The following NBAS variants were observed in gnomAD, a reference collection of about 807,000 sequenced individuals.
NBAS encodes NBAS subunit of NRZ tethering complex.
NBAS carries 219 observed loss-of-function variants against 302.5 expected under a neutral mutation model. The observed-to-expected ratio is 0.72, with a 90% CI of 0.65 to 0.81. The LOEUF is 0.81. Among genes scored for constraint, NBAS ranks in the 30% least tolerant of loss-of-function variants. NBAS has a pLI of 0.00. For missense variants in NBAS, 2,932 were observed against 2,841.6 expected (o/e 1.03, Z -0.72); for synonymous variants, 1,118 against 1,021.6 (o/e 1.09, Z -1.80).
chr2:15,150,478 G>A, the NBAS span, among the ~76,000 whole-genome samples: 1 of 152,130 alleles, frequency 6.6e-6, no homozygotes, highest in East Asian at 1.9e-4. Context: ...ACAATGTTGT[G>A]CACCTGAGCT....
chr2:14,874,094 T>C, the NBAS span, among the ~76,000 whole-genome samples: 3 of 152,006 alleles, frequency 2.0e-5, no homozygotes, highest in South Asian at 2.1e-4. Flanking sequence ...ACTACTAATA[T>C]AGAGAATGAG....
rs541190426 is a variant in NBAS at position 15,257,981 on chromosome 2, C to G, written c.5724+17503G>C. 7.4e-4 allele frequency among the ~76,000 whole-genome samples: 113 copies of G among 152,220 alleles called. 3 individuals carry two copies. The South Asian group carries it at 0.023, about 31-fold the overall frequency. Reference sequence around the variant, plus strand: ...TTAAAAACAATATTTAAATCTCTACCTCATTAAGATGTGCATTTTGAATAT... The same window carrying G: ...TTAAAAACAATATTTAAATCTCTACGTCATTAAGATGTGCATTTTGAATAT... On this transcript the variant is annotated intron_variant, in intron 44 of 51. Transcript: ENST00000281513.
At chr2:15,555,512 A>C (rs1194527612) in intron 3 of NBAS, among the ~76,000 whole-genome samples, 1 of 152,138 alleles carries the variant, frequency 6.6e-6, no homozygotes, top group African/African-American at 2.4e-5. Context: ...ATTGTCAATA[A>C]TTCTCAGTAT....
chr2:14,787,913 G>A, the NBAS span, among the ~76,000 whole-genome samples: 2 of 152,200 alleles, frequency 1.3e-5, no homozygotes, highest in African/African-American at 4.8e-5. Context: ...ATCCTGCAGA[G>A]TGTTTTCCAA....
intron 38 of NBAS, among the ~76,000 whole-genome samples, chr2:15,319,864 A>C (rs58378069): frequency 0.051 from 7,828 of 152,214 alleles, 287 homozygotes; most frequent in African/African-American, 0.1. Flanking sequence ...AATCAATAGA[A>C]AAAGAGGGAA....
the NBAS span, among the ~76,000 whole-genome samples, chr2:14,808,300 A>G: frequency 6.6e-6 from 1 of 152,192 alleles, no homozygotes; most frequent in South Asian, 2.1e-4. Flanking sequence ...TATATCCACT[A>G]CATCATGTGG....
chr2:15,000,515 GT>G, the NBAS span, among the ~76,000 whole-genome samples: 2 of 152,142 alleles, frequency 1.3e-5, no homozygotes, highest in African/African-American at 4.8e-5. Context: ...CGAGAGTCTA[GT>G]CATAGATGAT....
the NBAS span, among the ~76,000 whole-genome samples, chr2:14,788,534 C>G: frequency 2.0e-5 from 3 of 152,166 alleles, no homozygotes; most frequent in Admixed American, 6.6e-5. Flanking sequence ...AGTTTTCCTT[C>G]TAACAGACAG....
At chr2:15,298,156 G>C (rs754837243) in intron 40 of NBAS, among the ~76,000 whole-genome samples, 20 of 152,176 alleles carry the variant, frequency 1.3e-4, no homozygotes, top group Non-Finnish European at 2.5e-4. Context: ...ACCAGCCTGA[G>C]TGACATAGTG....
At chr2:14,787,088 T>A in the NBAS span, among the ~76,000 whole-genome samples, 1 of 152,178 alleles carries the variant, frequency 6.6e-6, no homozygotes, top group East Asian at 1.9e-4. Flanking sequence ...GGCCTCTTTG[T>A]CTCTTTTGAT....
At chr2:15,328,377 T>G in intron 36 of NBAS, 65 bp from the exon 37 acceptor site, 3 of 1,354,896 alleles carry the variant, frequency 2.2e-6, no homozygotes, top group Admixed American at 1.7e-5. Flanking sequence ...GTAGAAGAAG[T>G]AAAAGCAAGG....
intron 50 of NBAS, among the ~76,000 whole-genome samples, chr2:15,186,095 C>A (rs1307889722): frequency 1.3e-5 from 2 of 149,304 alleles, no homozygotes; most frequent in African/African-American, 5.0e-5. Context: ...TACACACACA[C>A]ACACACACAC....
At chr2:15,002,676 C>G in the NBAS span, among the ~76,000 whole-genome samples, 1 of 152,214 alleles carries the variant, frequency 6.6e-6, no homozygotes, top group Non-Finnish European at 1.5e-5. Flanking sequence ...CCGAGCCCTG[C>G]CCGGCGGGAA....
At chr2:14,797,804 A>G in the NBAS span, among the ~76,000 whole-genome samples, 1 of 152,056 alleles carries the variant, frequency 6.6e-6, no homozygotes, top group South Asian at 2.1e-4. Context: ...GAGCCGAGCG[A>G]GGCCCAGGCA....
the NBAS span, among the ~76,000 whole-genome samples, chr2:14,884,276 G>A: frequency 3.3e-5 from 5 of 152,130 alleles, no homozygotes; most frequent in African/African-American, 9.7e-5. Flanking sequence ...GACCCTCAAG[G>A]ACTCCAGAAA....
chr2:15,027,310 C>A, the NBAS span, among the ~76,000 whole-genome samples: 8 of 151,990 alleles, frequency 5.3e-5, no homozygotes, highest in African/African-American at 1.9e-4. Context: ...TCATAGTTTT[C>A]TTTGTGTACA....
At chr2:14,956,018 AC>A in the NBAS span, among the ~76,000 whole-genome samples, 1 of 152,220 alleles carries the variant, frequency 6.6e-6, no homozygotes, top group Non-Finnish European at 1.5e-5. Context: ...AATTTTCCAA[AC>A]TTTTATGGTC....
chr2:15,542,224 T>G, intron 6 of NBAS, among the ~76,000 whole-genome samples: 1 of 84,912 alleles, frequency 1.2e-5, no homozygotes, highest in Non-Finnish European at 2.8e-5. Context: ...AATCGGATGG[T>G]TGCCGTGTCT....
At position 15,439,036 on chromosome 2, in the gene NBAS, C is replaced by T. The variant is rs183797867; in HGVS notation, c.2340-11242G>A. ...CCCGGCCGGGCACGGTGGCTCATGC[C>T]TGTAATCCCAGCACTTTGGGAGGCC... On this transcript the variant is annotated intron_variant, in intron 21 of 51. Coordinates refer to ENST00000281513, the MANE Select transcript of NBAS (RefSeq NM_015909.4). Among the ~76,000 whole-genome samples, 306 of 152,210 alleles carry T rather than the reference C, an allele frequency of 2.0e-3. 2 individuals are homozygous for T. Among genetic ancestry groups the T allele is most frequent in the African/African-American group, 6.9e-3 (286 of 41,524 alleles).
Sources: gnomAD v4.1 joint callset for allele counts (sites outside exome capture counted in the v4.1 genomes callset) on GRCh38, gnomAD v4.1.1 for gene constraint, MANE v1.5 for transcripts, NCBI Gene and HGNC (gene_info 2026-07-23, HGNC 2026-07-21) for gene names.